The following KRT24 variants were observed in gnomAD, a reference collection of about 807,000 sequenced individuals.
KRT24 encodes the protein keratin 24, also known as keratin, type I cytoskeletal 24.
In KRT24, 44 loss-of-function variants were observed where a neutral mutation model predicts 51.7. The ratio of observed to expected loss-of-function variants is 0.85; its 90% confidence interval spans 0.67 to 1.09. The LOEUF is 1.09. KRT24 is among the 50% of genes least tolerant of loss of function. The pLI is 0.00. For synonymous variants in KRT24, 241 were observed against 249.5 expected (o/e 0.97, Z 0.32); for missense variants, 633 against 647.0 (o/e 0.98, Z 0.24).
chr17:40,699,867 C>T (rs910707123), intron 5 of KRT24, 131 bp downstream of exon 5: 8 of 1,250,178 alleles, frequency 6.4e-6, no homozygotes, highest in Non-Finnish European at 7.9e-6. Context: ...ACTTTTAATG[C>T]TTTCTATAAT....
intron 3 of KRT24, 77 bp from the exon 4 acceptor site, chr17:40,700,460 A>G (rs2037663928): frequency 9.2e-7 from 1 of 1,081,514 alleles, no homozygotes; most frequent in Admixed American, 2.2e-5. Flanking sequence ...AGACAACAAC[A>G]ATTTGAAAGT....
At position 40,703,273 on chromosome 17, in the gene KRT24, T is replaced by C; in HGVS notation, c.421A>G (p.Lys141Glu). ...GDGGLFSGGE[K>E]QTMQNLNDRL... ...TCATTGAGGTTCTGCATGGTTTGCTTTTCCCCTCCAGAGAAAAGCCCCCCA... is the reference window on the plus strand; with the variant it reads ...TCATTGAGGTTCTGCATGGTTTGCTCTTCCCCTCCAGAGAAAAGCCCCCCA... The change falls in exon 1 of 8, where the codon AAG becomes GAG. Residue 141 changes from lysine (K) to glutamate (E), a missense_variant. By Grantham distance (56) the Lys-to-Glu change is moderately conservative. Transcript: ENST00000264651. The C allele has an allele frequency of 1.2e-6, 2 of 1,613,986 alleles. No homozygotes were observed. The highest frequency in any genetic ancestry group is 1.7e-6 in the Non-Finnish European group (2 of 1,179,966).
chr17:40,701,738 TA>T (rs1567862950), intron 2 of KRT24, 112 bp downstream of exon 2: 314 of 25,732 alleles, frequency 0.012, 34 homozygotes, highest in African/African-American at 0.069. Flanking sequence ...TATATATATA[TA>T]TATATATATA....
Position 40,703,744 on chromosome 17 carries a change from G to A in KRT24, c.-51C>T, listed in dbSNP as rs781169538. On this transcript the variant is annotated 5_prime_UTR_variant, in exon 1 of 8. Coordinates refer to ENST00000264651, the MANE Select transcript of KRT24 (RefSeq NM_019016.3). ...CCAGGCGAATAGGAGAGGTGATGAC[G>A]AAGAGTGTATTCAAGGCTGCCTTTT... is the stretch of plus-strand genomic sequence containing the variant. 20 of 1,500,812 alleles carry A rather than the reference G, an allele frequency of 1.3e-5. No homozygotes were observed. The highest frequency in any genetic ancestry group is 4.1e-5 in the South Asian group (3 of 73,546). The allele number at this position is 1,500,812 out of a possible 1,614,324, so 93.0% of individuals were successfully genotyped here.
chr17:40,699,240 G>C (rs547757997), intron 6 of KRT24, among the ~76,000 whole-genome samples: 1 of 151,440 alleles, frequency 6.6e-6, no homozygotes, highest in South Asian at 2.1e-4. Context: ...TGCTCAAGCT[G>C]GTCTTGAACT....
chr17:40,702,561 A>G (rs1232148446), intron 1 of KRT24, among the ~76,000 whole-genome samples: 1 of 152,172 alleles, frequency 6.6e-6, no homozygotes, highest in East Asian at 1.9e-4. Context: ...TTATCTCATG[A>G]GCTTTTTCAG....
chr17:40,703,414 C>T lies in KRT24; in HGVS notation c.280G>A (p.Gly94Ser), dbSNP rs554890369. ...GTGFGGGSSF[G>S]GVSGFGRGSG... ...CCCCTGCCAAATCCAGAGACCCCGC[C>T]AAAGCTAGAACCCCCACCAAATCCT... The change falls in exon 1 of 8, where the codon GGC becomes AGC. Residue 94 changes from glycine to serine, a missense_variant. Physicochemically the swap from Gly to Ser is moderately conservative, Grantham distance 56. Transcript: ENST00000264651. 1.2e-5 allele frequency: 19 copies of T among 1,608,302 alleles called. No individual in the cohort carries two copies. The South Asian group carries it at 2.0e-4, about 17-fold the overall frequency.
intron 5 of KRT24, 86 bp downstream of exon 5, chr17:40,699,912 T>A: frequency 6.5e-7 from 1 of 1,540,956 alleles, no homozygotes; most frequent in African/African-American, 1.4e-5. Context: ...GCCTTTTTTA[T>A]GTGCCTAGTG....
rs377459030 is a variant in KRT24 at position 40,701,340 on chromosome 17, T to C, written c.699-44A>G. 8.3e-6 allele frequency: 13 copies of C among 1,566,194 alleles called. No homozygotes were observed. In the African/African-American group the frequency reaches 1.4e-4, roughly 16 times the overall value. ...AGGCAAAAAATACTGTGAGCTCACC[T>C]GGCCGTGTTTCAAAGGGTACCTTCC... is the stretch of plus-strand genomic sequence containing the variant. On this transcript the variant is annotated intron_variant, in intron 2 of 7. Coordinates refer to ENST00000264651, the MANE Select transcript of KRT24 (RefSeq NM_019016.3).
rs748093777 is a variant in KRT24, at chr17:40,701,286, C to A, written c.709G>T (p.Glu237Ter). 6.2e-7 allele frequency: 1 copy of A among 1,612,916 alleles called. No homozygotes were observed. Among genetic ancestry groups the A allele is most frequent in the South Asian group, 1.1e-5 (1 of 90,716 alleles). ...ADDFRLKYENELCLRQSVEAD... is the reference protein window; with the variant it reads ...ADDFRLKYEN ...TCCACGCTCTGCCGGAGACACAGCT[C>A]GTTCTCATACCTGGAAGGGGCAGCA... The change falls in exon 3 of 8, where the codon GAG becomes TAG. Residue 237 changes from glutamate to a stop codon, truncating the protein, a stop_gained. Transcript: ENST00000264651. LOFTEE classifies it high-confidence loss of function.
intron 3 of KRT24, 35 bp from the exon 4 acceptor site, chr17:40,700,418 A>G (rs1404918685): frequency 6.5e-7 from 1 of 1,549,992 alleles, no homozygotes; most frequent in African/African-American, 1.4e-5. Flanking sequence ...CGTGATGCAA[A>G]CAGAAAAGTG....
At position 40,698,589 on chromosome 17, in the gene KRT24, C is replaced by A. The variant is rs774360695; in HGVS notation, c.1423G>T (p.Asp475Tyr). Residue 475 changes from aspartate to tyrosine, a missense_variant, in exon 7 of 8, where the codon GAT becomes TAT. By Grantham distance (160) the Asp-to-Tyr change is radical. Coordinates refer to ENST00000264651, the MANE Select transcript of KRT24 (RefSeq NM_019016.3). ...NSGSVNMGSR[D>Y]LVSGDSRSGS... is the part of the protein sequence containing the mutation. ...GATCTTGAGTCACCAGATACCAGAT[C>A]CCTGGATCCCATGTTTACAGATCCT... is the stretch of plus-strand genomic sequence containing the variant. 6.2e-7 allele frequency: 1 copy of A among 1,613,308 alleles called. No homozygotes were observed. Among genetic ancestry groups the A allele is most frequent in the South Asian group, 1.1e-5 (1 of 91,028 alleles).
rs2037714235 is a variant in KRT24 at position 40,703,730 on chromosome 17, G to A, written c.-37C>T. 1 of 1,522,206 alleles carries A rather than the reference G, an allele frequency of 6.6e-7. No homozygotes were observed. Among genetic ancestry groups the A allele is most frequent in the South Asian group, 1.3e-5 (1 of 75,874 alleles). 94.3% of individuals were successfully genotyped at this position (1,522,206 alleles called of 1,614,324 possible). A position where few individuals can be genotyped will look rare whatever the true frequency, so the allele number is the denominator to read the frequency against. On this transcript the variant is annotated 5_prime_UTR_variant, in exon 1 of 8. Transcript: ENST00000264651. Reference sequence around the variant, plus strand: ...AAACATGAGCTTGTCCAGGCGAATAGGAGAGGTGATGACGAAGAGTGTATT... The same window carrying A: ...AAACATGAGCTTGTCCAGGCGAATAAGAGAGGTGATGACGAAGAGTGTATT...
chr17:40,700,038 A>G lies in KRT24; in HGVS notation c.1103T>C (p.Leu368Pro). 3.7e-6 allele frequency: 6 copies of G among 1,614,166 alleles called. No homozygotes were observed. The highest frequency in any genetic ancestry group is 5.1e-6 in the Non-Finnish European group (6 of 1,180,014). Residue 368 changes from leucine to proline, a missense_variant, in exon 5 of 8, where the codon CTG becomes CCG. Leu to Pro is a moderately conservative substitution (Grantham distance 98). Coordinates refer to ENST00000264651, the MANE Select transcript of KRT24 (RefSeq NM_019016.3). ...CTGAAGCTCAATTTCCAGGGCTTGC[A>G]GGGTACGTTTTAGTTCTGTTATCTC... ...KNEITELKRT[L>P]QALEIELQSQ... is the part of the protein sequence containing the mutation.
chr17:40,703,731 G>T lies in KRT24; in HGVS notation c.-38C>A. On this transcript the variant is annotated 5_prime_UTR_variant, in exon 1 of 8. Transcript: ENST00000264651. ...AACATGAGCTTGTCCAGGCGAATAG[G>T]AGAGGTGATGACGAAGAGTGTATTC... is the stretch of plus-strand genomic sequence containing the variant. 6.6e-7 allele frequency: 1 copy of T among 1,520,316 alleles called. No homozygotes were observed. The highest frequency in any genetic ancestry group is 8.8e-7 in the Non-Finnish European group (1 of 1,135,530). 94.2% of individuals were successfully genotyped at this position (1,520,316 alleles called of 1,614,324 possible).
intron 3 of KRT24, among the ~76,000 whole-genome samples, chr17:40,700,849 C>T (rs1053631286): frequency 1.3e-5 from 2 of 152,202 alleles, no homozygotes; most frequent in African/African-American, 4.8e-5. Context: ...GATCTGCCTG[C>T]CTTGGCCTCC....
At chr17:40,701,077 A>AGAATG in intron 3 of KRT24, 63 bp downstream of exon 3, 2 of 1,530,602 alleles carry the variant, frequency 1.3e-6, no homozygotes, top group Non-Finnish European at 1.8e-6. Flanking sequence ...TTATTTGTAT[A>AGAATG]GAATGCATAT....
chr17:40,703,329 T>A lies in KRT24; in HGVS notation c.365A>T (p.Tyr122Phe). The A allele has an allele frequency of 6.2e-7, 1 of 1,613,998 alleles. No individual in the cohort carries two copies. The highest frequency in any genetic ancestry group is 8.5e-7 in the Non-Finnish European group (1 of 1,179,982). Residue 122 changes from tyrosine to phenylalanine, a missense_variant, in exon 1 of 8, where the codon TAT (tyrosine) becomes TTT (phenylalanine). Tyr to Phe is a conservative substitution (Grantham distance 22). Coordinates refer to ENST00000264651, the MANE Select transcript of KRT24 (RefSeq NM_019016.3). ...SSGATGGFYS[Y>F]GGGMGGGVGD... is the part of the protein sequence containing the mutation. ...AACACCACCTCCCATACCACCACCA[T>A]AGCTGTAGAAGCCTCCAGTAGCACC...
chr17:40,703,555 C>T lies in KRT24; in HGVS notation c.139G>A (p.Ala47Thr). 1 of 1,608,958 alleles carries T rather than the reference C, an allele frequency of 6.2e-7. No individual in the cohort carries two copies. The highest frequency in any genetic ancestry group is 1.7e-4 in the Middle Eastern group (1 of 6,008). ...CCCCCACTCAGGCTGCAGCTGCTGG[C>T]TCCTCCTCGGAAGCCCTGGGCCGAG... The part of the protein sequence containing the change: ...GSSAQGFRGG[A>T]SSCSLSGGSS... Residue 47 changes from alanine (A) to threonine (T), a missense_variant, in exon 1 of 8, where the codon GCC becomes ACC. By Grantham distance (58) the Ala-to-Thr change is moderately conservative. Transcript: ENST00000264651.
Sources: gnomAD v4.1 joint callset for allele counts (sites outside exome capture counted in the v4.1 genomes callset) on GRCh38, gnomAD v4.1.1 for gene constraint, MANE v1.5 for transcripts, NCBI Gene and HGNC (gene_info 2026-07-23, HGNC 2026-07-21) for gene names.